TENM3: variants seen among roughly 807,000 people sequenced by gnomAD.
TENM3 encodes the protein teneurin transmembrane protein 3.
Under a neutral mutation model 255.1 loss-of-function variants are expected in TENM3, and 63 were observed. That is an observed-to-expected ratio of 0.25 (90% CI 0.20 to 0.30). The LOEUF (loss-of-function observed/expected upper bound fraction) is 0.30, where lower values mean the gene tolerates loss of function less well. Among genes scored for constraint, TENM3 ranks in the 10% least tolerant of loss-of-function variants. The pLI, the probability that TENM3 is intolerant of heterozygous loss-of-function variation, is 1.00. For synonymous variants in TENM3, 1,306 were observed against 1,322.3 expected, an observed-to-expected ratio of 0.99 and a Z score of 0.27; for missense variants, 2,929 against 3,461.1, an observed-to-expected ratio of 0.85 and a Z score of 3.86.
At chr4:182,190,285 C>T (rs1270146942) in intron 1 of TENM3, 1 of 152,152 alleles carries the variant, frequency 6.6e-6, no homozygotes, top group Non-Finnish European at 1.5e-5. Flanking sequence ...TTAAGGATTT[C>T]TGGTGTGGCT....
chr4:182,657,679 G>T (rs748030915), intron 6 of TENM3, among the ~76,000 whole-genome samples: 24 of 151,340 alleles, frequency 1.6e-4, no homozygotes, highest in Non-Finnish European at 2.7e-4. Context: ...TTTGAGACAG[G>T]GTCTCACTCT....
chr4:181,808,663 A>C, the TENM3 span, among the ~76,000 whole-genome samples: 1 of 152,242 alleles, frequency 6.6e-6, no homozygotes, highest in African/African-American at 2.4e-5. Flanking sequence ...TTGCATGTGA[A>C]AATGGGATAC....
chr4:181,515,587 TC>T, the TENM3 span, among the ~76,000 whole-genome samples: 1 of 152,028 alleles, frequency 6.6e-6, no homozygotes, highest in African/African-American at 2.4e-5. Context: ...TAAGCAGAAG[TC>T]CAAATAGTGG....
At chr4:181,518,041 A>G in the TENM3 span, among the ~76,000 whole-genome samples, 10,874 of 152,182 alleles carry the variant, frequency 0.071, 522 homozygotes, top group Non-Finnish European at 0.11. Flanking sequence ...ATCAAGGGAA[A>G]AAAAATAGTC....
the TENM3 span, among the ~76,000 whole-genome samples, chr4:181,653,592 G>A: frequency 5.3e-5 from 8 of 151,764 alleles, no homozygotes; most frequent in East Asian, 1.5e-3. Flanking sequence ...GTAGAGACGG[G>A]GTTTTACCGT....
intron 1 of TENM3, among the ~76,000 whole-genome samples, chr4:182,207,740 G>C (rs766232625): frequency 6.6e-6 from 1 of 152,126 alleles, no homozygotes; most frequent in African/African-American, 2.4e-5. Flanking sequence ...TATTTTAAGT[G>C]CATTAACTTT....
At chr4:181,977,053 G>C in the TENM3 span, among the ~76,000 whole-genome samples, 1 of 152,222 alleles carries the variant, frequency 6.6e-6, no homozygotes, top group African/African-American at 2.4e-5. Flanking sequence ...CTCGAGCTAA[G>C]AGACAGCGTG....
chr4:182,596,757 T>TTG lies in TENM3; in HGVS notation c.512-4166_512-4165dup, dbSNP rs1747274475. 2.0e-5 allele frequency among the ~76,000 whole-genome samples: 3 copies of TTG among 152,184 alleles called. 1 individual carries two copies. In the South Asian group the frequency reaches 6.2e-4, roughly 31 times the overall value. ...TTCACCTTTAGAGTTCATTTCAAGT[T>TTG]TGATAGGCACTAGAAAGCCATTTGG... On this transcript the variant is annotated intron_variant, in intron 3 of 27. Transcript: ENST00000511685.
At chr4:182,170,795 C>G (rs1752054270) in intron 1 of TENM3, among the ~76,000 whole-genome samples, 1 of 152,062 alleles carries the variant, frequency 6.6e-6, no homozygotes, top group South Asian at 2.1e-4. Flanking sequence ...TTAGATAAAT[C>G]ACAGAAAATG....
intron 1 of TENM3, among the ~76,000 whole-genome samples, chr4:182,150,362 G>A (rs1439639868): frequency 6.6e-6 from 1 of 151,994 alleles, no homozygotes; most frequent in Non-Finnish European, 1.5e-5. Flanking sequence ...AGACTAAAGG[G>A]AAAATTTTGT....
At chr4:181,891,352 C>A in the TENM3 span, among the ~76,000 whole-genome samples, 1 of 152,072 alleles carries the variant, frequency 6.6e-6, no homozygotes. Flanking sequence ...CCTAAACAAC[C>A]CAGTTAATCT....
At chr4:181,548,392 C>G in the TENM3 span, among the ~76,000 whole-genome samples, 28 of 152,208 alleles carry the variant, frequency 1.8e-4, no homozygotes, top group African/African-American at 6.7e-4. Context: ...TTCACAATGG[C>G]AAAGACTTGG....
chr4:181,653,160 T>C, the TENM3 span, among the ~76,000 whole-genome samples: 1 of 152,204 alleles, frequency 6.6e-6, no homozygotes, highest in Non-Finnish European at 1.5e-5. Context: ...ACCAGGACCC[T>C]GCTGCATGGC....
chr4:181,571,168 T>A, the TENM3 span, among the ~76,000 whole-genome samples: 1 of 152,088 alleles, frequency 6.6e-6, no homozygotes, highest in African/African-American at 2.4e-5. Context: ...ATCTGAGTAG[T>A]GCATTTCTTA....
the TENM3 span, among the ~76,000 whole-genome samples, chr4:181,860,395 G>A: frequency 6.6e-6 from 1 of 152,098 alleles, no homozygotes; most frequent in Non-Finnish European, 1.5e-5. Flanking sequence ...CGAGCACTTT[G>A]GAATGCATTT....
intron 1 of TENM3, among the ~76,000 whole-genome samples, chr4:182,300,916 T>C (rs994306265): frequency 1.2e-4 from 18 of 152,276 alleles, no homozygotes; most frequent in African/African-American, 3.9e-4. Flanking sequence ...AAAAGACCTT[T>C]GACCTCTCTT....
the TENM3 span, among the ~76,000 whole-genome samples, chr4:181,513,832 G>A: frequency 6.6e-6 from 1 of 152,104 alleles, no homozygotes; most frequent in East Asian, 1.9e-4. Context: ...CACATCCTGA[G>A]TACAACCACC....
At chr4:181,724,454 A>C in the TENM3 span, among the ~76,000 whole-genome samples, 2 of 151,958 alleles carry the variant, frequency 1.3e-5, no homozygotes, top group South Asian at 4.1e-4. Context: ...TATACTATTG[A>C]GTTTTTCATT....
At chr4:182,702,730 G>A (rs1308944804) in intron 12 of TENM3, among the ~76,000 whole-genome samples, 1 of 151,214 alleles carries the variant, frequency 6.6e-6, no homozygotes, top group Non-Finnish European at 1.5e-5. Flanking sequence ...CCAAGCCCAC[G>A]CTCTTTTTTT....
Sources: gnomAD v4.1 joint callset for allele counts (sites outside exome capture counted in the v4.1 genomes callset) on GRCh38, gnomAD v4.1.1 for gene constraint, MANE v1.5 for transcripts, NCBI Gene and HGNC (gene_info 2026-07-23, HGNC 2026-07-21) for gene names.